SPANXN3: variants seen among roughly 807,000 people sequenced by gnomAD.
The protein encoded by SPANXN3 is sperm protein associated with the nucleus on the X chromosome N3.
Under a neutral mutation model 1.9 loss-of-function variants are expected in SPANXN3, and 1 was observed. That is an observed-to-expected ratio of 0.54 (90% CI 0.19 to 2.54). SPANXN3 has a LOEUF of 2.54. Among genes scored for constraint, SPANXN3 ranks in the 30% most tolerant of loss-of-function variants. The probability of loss-of-function intolerance (pLI) is 0.24; values close to 1 mark genes in which losing one functional copy is unlikely to be tolerated. For missense variants in SPANXN3, 113 were observed against 96.2 expected, an observed-to-expected ratio of 1.17 and a Z score of -0.73; for synonymous variants, 47 against 40.0, an observed-to-expected ratio of 1.17 and a Z score of -0.66.
chrX:143,510,220 T>C (rs1345868008), intron 1 of SPANXN3: 2 of 111,325 alleles, frequency 1.8e-5, no homozygotes, highest in African/African-American at 6.5e-5. Context: ...CCTTTCTGGA[T>C]TCCTTTCTAT....
intron 1 of SPANXN3, among the ~76,000 whole-genome samples, chrX:143,511,772 T>C (rs1929097940): frequency 9.0e-6 from 1 of 110,976 alleles, no homozygotes; most frequent in Admixed American, 9.6e-5. Context: ...CCATCTGTGA[T>C]ATCAAGCAAC....
chrX:143,508,934 C>T lies in SPANXN3; in HGVS notation c.307G>A (p.Gly103Ser). 1 of 1,211,732 alleles carries T rather than the reference C, an allele frequency of 8.3e-7. No homozygotes were observed. The highest frequency in any genetic ancestry group is 1.1e-6 in the Non-Finnish European group (1 of 895,406). ...EGSSNEDEDL[G>S]PCEGPSKEDK... ...TCCTTTGAAGGTCCTTCACATGGGC[C>T]TAGGTCTTCATCCTCATTTGAAGAT... Residue 103 changes from glycine to serine, a missense_variant, in exon 2 of 2, where the codon GGC becomes AGC. Transcript: ENST00000370503.
At chrX:143,512,162 G>A (rs1415575900) in intron 1 of SPANXN3, among the ~76,000 whole-genome samples, 12 of 109,482 alleles carry the variant, frequency 1.1e-4, no homozygotes, top group Non-Finnish European at 2.3e-4. Context: ...TAAATTCCAG[G>A]CCTCCATGCA....
chrX:143,513,460 A>G (rs1259510082), intron 1 of SPANXN3, among the ~76,000 whole-genome samples: 2 of 111,918 alleles, frequency 1.8e-5, no homozygotes, highest in South Asian at 3.7e-4. Flanking sequence ...CTGTGGCCAC[A>G]TCGCTGGCCT....
chrX:143,509,160 C>T lies in SPANXN3; in HGVS notation c.81G>A (p.Met27Ile). 8.3e-7 allele frequency: 1 copy of T among 1,200,408 alleles called. No homozygotes were observed. Among genetic ancestry groups the T allele is most frequent in the Non-Finnish European group, 1.1e-6 (1 of 888,795 alleles). ...CESNNKKNDE[M>I]QEVPNRVLAP... ...CTAAGACTCTGTTTGGTACCTCTTG[C>T]ATCTGGTAAGAAAATAGGGAGAGGC... is the stretch of plus-strand genomic sequence containing the variant. The change falls in exon 2 of 2, where the codon ATG (methionine) becomes ATA (isoleucine). Residue 27 changes from methionine to isoleucine, a missense_variant and splice_region_variant. Coordinates refer to ENST00000370503, the MANE Select transcript of SPANXN3 (RefSeq NM_001009609.4).
rs113043096 is a variant in SPANXN3, at chrX:143,508,927, C to T, written c.314G>A (p.Cys105Tyr). ...SSNEDEDLGP[C>Y]EGPSKEDKDL... ...TTTGTCCTCCTTTGAAGGTCCTTCACATGGGCCTAGGTCTTCATCCTCATT... is the reference window on the plus strand; with the variant it reads ...TTTGTCCTCCTTTGAAGGTCCTTCATATGGGCCTAGGTCTTCATCCTCATT... Residue 105 changes from cysteine to tyrosine, a missense_variant, in exon 2 of 2, where the codon TGT becomes TAT. By Grantham distance (194) the Cys-to-Tyr change is radical (BLOSUM62 -2). Coordinates refer to ENST00000370503, the MANE Select transcript of SPANXN3 (RefSeq NM_001009609.4). 15 of 1,211,598 alleles carry T rather than the reference C, an allele frequency of 1.2e-5. No individual in the cohort carries two copies. The highest frequency in any genetic ancestry group is 1.5e-5 in the Non-Finnish European group (13 of 895,263).
chrX:143,509,791 C>T (rs1412810391), intron 1 of SPANXN3: 2 of 120,558 alleles, frequency 1.7e-5, no homozygotes, highest in African/African-American at 6.6e-5. Context: ...GCTGGTCCCC[C>T]ACTTCCACAG....
intron 1 of SPANXN3, among the ~76,000 whole-genome samples, chrX:143,510,928 A>G (rs1556411628): frequency 9.0e-6 from 1 of 110,558 alleles, no homozygotes; most frequent in Non-Finnish European, 1.9e-5. Flanking sequence ...AACCAGACAC[A>G]TGCCCAAAGG....
At chrX:143,515,754 A>C (rs1162403223) in intron 1 of SPANXN3, among the ~76,000 whole-genome samples, 1 of 111,151 alleles carries the variant, frequency 9.0e-6, no homozygotes, top group Non-Finnish European at 1.9e-5. Flanking sequence ...CAACCTGGCC[A>C]CATGAACTCG....
intron 1 of SPANXN3, among the ~76,000 whole-genome samples, chrX:143,512,379 C>T (rs1419425201): frequency 1.8e-5 from 2 of 111,634 alleles, no homozygotes; most frequent in East Asian, 5.6e-4. Flanking sequence ...TCTCAATATC[C>T]CCTTAATCCA....
At chrX:143,515,460 A>T (rs1249289146) in intron 1 of SPANXN3, among the ~76,000 whole-genome samples, 7 of 110,979 alleles carry the variant, frequency 6.3e-5, no homozygotes, top group African/African-American at 1.3e-4. Context: ...TTTCCTGGCT[A>T]CCCTTCCCCA....
rs1556411859 is a variant in SPANXN3, at chrX:143,512,306, A to G, written c.79-3144T>C. On this transcript the variant is annotated intron_variant, in intron 1 of 1. Coordinates refer to ENST00000370503, the MANE Select transcript of SPANXN3 (RefSeq NM_001009609.4). ...AGCTTGGAATGTTTCTAAACCCACAATAGCCACACATCACATCCCAGTTAA... is the reference window on the plus strand; with the variant it reads ...AGCTTGGAATGTTTCTAAACCCACAGTAGCCACACATCACATCCCAGTTAA... Among the ~76,000 whole-genome samples, 3 of 111,772 alleles carry G rather than the reference A, an allele frequency of 2.7e-5. No individual in the cohort carries two copies. The South Asian group carries it at 1.1e-3, about 42-fold the overall frequency.
rs782182968 is a variant in SPANXN3, at chrX:143,509,166, G to A, written c.79-4C>T. 3.4e-6 allele frequency: 4 copies of A among 1,193,530 alleles called. No homozygotes were observed. The highest frequency in any genetic ancestry group is 4.5e-5 in the Admixed American group (2 of 44,914). Reference sequence around the variant, plus strand: ...CTCTGTTTGGTACCTCTTGCATCTGGTAAGAAAATAGGGAGAGGCCAGAAA... The same window carrying A: ...CTCTGTTTGGTACCTCTTGCATCTGATAAGAAAATAGGGAGAGGCCAGAAA... On this transcript the variant is annotated splice_polypyrimidine_tract_variant and splice_region_variant and intron_variant, in intron 1 of 1. Coordinates refer to ENST00000370503, the MANE Select transcript of SPANXN3 (RefSeq NM_001009609.4).
At chrX:143,516,416 A>C (rs1556412533) in intron 1 of SPANXN3, among the ~76,000 whole-genome samples, 1 of 111,683 alleles carries the variant, frequency 9.0e-6, no homozygotes, top group Admixed American at 9.5e-5. Context: ...ATTTTGCCTA[A>C]CAAGCAGACC....
chrX:143,513,401 T>C, intron 1 of SPANXN3, among the ~76,000 whole-genome samples: 1 of 111,845 alleles, frequency 8.9e-6, no homozygotes, highest in Non-Finnish European at 1.9e-5. Context: ...ACAACTGGAC[T>C]CTGTTGTTTT....
intron 1 of SPANXN3, among the ~76,000 whole-genome samples, chrX:143,516,229 A>G (rs1165346230): frequency 8.9e-6 from 1 of 112,357 alleles, no homozygotes; most frequent in African/African-American, 3.2e-5. Flanking sequence ...TATAAAAGTT[A>G]AAACAAAGAA....
intron 1 of SPANXN3, among the ~76,000 whole-genome samples, chrX:143,514,041 T>C (rs1383032678): frequency 1.8e-5 from 2 of 111,930 alleles, no homozygotes; most frequent in Non-Finnish European, 3.8e-5. Context: ...GGAACTCCCA[T>C]AAGAAATGGC....
chrX:143,511,145 A>C (rs1255739810), intron 1 of SPANXN3, among the ~76,000 whole-genome samples: 3 of 110,121 alleles, frequency 2.7e-5, no homozygotes, highest in Non-Finnish European at 5.7e-5. Context: ...CTCTACCCTC[A>C]CCCTGGAGGA....
At chrX:143,514,811 G>A (rs782167076) in intron 1 of SPANXN3, among the ~76,000 whole-genome samples, 22 of 111,337 alleles carry the variant, frequency 2.0e-4, no homozygotes, top group South Asian at 7.7e-4. Context: ...TTACCACCCC[G>A]AATCTTCAGG....
Sources: allele counts gnomAD v4.1 joint callset (sites outside exome capture counted in the v4.1 genomes callset), GRCh38; gene constraint gnomAD v4.1.1; transcripts MANE v1.5; gene names NCBI Gene and HGNC (gene_info 2026-07-23, HGNC 2026-07-21).